The following BMPR2 variants were observed in gnomAD, a reference collection of about 807,000 sequenced individuals.
BMPR2 encodes the protein bone morphogenetic protein receptor type-2.
BMPR2 carries 29 observed loss-of-function variants against 100.8 expected under a neutral mutation model. The ratio of observed to expected loss-of-function variants is 0.29; its 90% CI spans 0.21 to 0.39. The LOEUF (loss-of-function observed/expected upper bound fraction) is 0.39. Ranked by LOEUF, BMPR2 falls within the 10% of genes least tolerant of loss-of-function variation. BMPR2 has a pLI of 1.00. For synonymous variants in BMPR2, 382 were observed against 442.3 expected, an observed-to-expected ratio of 0.86 and a Z score of 1.71; for missense variants, 1,011 against 1,274.5, an observed-to-expected ratio of 0.79 and a Z score of 3.15.
At chr2:202,469,083 T>G (rs1692381556) in intron 3 of BMPR2, among the ~76,000 whole-genome samples, 1 of 152,072 alleles carries the variant, frequency 6.6e-6, no homozygotes, top group Admixed American at 6.6e-5. Flanking sequence ...GAGGCTGGAG[T>G]GCAATGGCAC....
At chr2:202,519,598 G>A (rs1398265621) in intron 6 of BMPR2, among the ~76,000 whole-genome samples, 2 of 151,970 alleles carry the variant, frequency 1.3e-5, no homozygotes, top group African/African-American at 4.8e-5. Context: ...CAAGTTTTTT[G>A]ATGAAAGAAG....
intron 3 of BMPR2, among the ~76,000 whole-genome samples, chr2:202,506,892 C>T (rs548257706): frequency 6.6e-4 from 100 of 151,674 alleles, no homozygotes; most frequent in African/African-American, 2.3e-3. Flanking sequence ...AAGAGCGAAA[C>T]TCTGTCTCAA....
At chr2:202,389,090 G>C (rs1008573104) in intron 1 of BMPR2, among the ~76,000 whole-genome samples, 1 of 151,792 alleles carries the variant, frequency 6.6e-6, no homozygotes, top group African/African-American at 2.4e-5. Context: ...AAAATCAGCT[G>C]AGTGTGAGTC....
intron 10 of BMPR2, among the ~76,000 whole-genome samples, chr2:202,551,254 T>C (rs12693971): frequency 0.32 from 48,807 of 151,214 alleles, 8,701 homozygotes; most frequent in African/African-American, 0.48. Flanking sequence ...CAGTGACTCA[T>C]GCCTGTAATC....
At chr2:202,476,731 G>A (rs1161209440) in intron 3 of BMPR2, among the ~76,000 whole-genome samples, 4 of 152,182 alleles carry the variant, frequency 2.6e-5, no homozygotes, top group African/African-American at 9.6e-5. Context: ...GGAAGTTGCA[G>A]TGAGCTGAGA....
At chr2:202,379,940 T>G (rs984720181) in intron 1 of BMPR2, among the ~76,000 whole-genome samples, 1 of 151,952 alleles carries the variant, frequency 6.6e-6, no homozygotes, top group African/African-American at 2.4e-5. Context: ...TCACCACAAC[T>G]TCCGCCTCCC....
intron 1 of BMPR2, among the ~76,000 whole-genome samples, chr2:202,408,790 A>T (rs189159306): frequency 1.1e-4 from 17 of 152,344 alleles, no homozygotes; most frequent in Admixed American, 3.3e-4. Context: ...TTCGCATTCC[A>T]CTTGAACTAT....
chr2:202,381,927 G>T (rs1319143104), intron 1 of BMPR2, among the ~76,000 whole-genome samples: 4 of 151,566 alleles, frequency 2.6e-5, no homozygotes, highest in Non-Finnish European at 5.9e-5. Flanking sequence ...ATCTCTAATG[G>T]GTAAATTCTA....
chr2:202,521,427 C>T (rs1212045090), intron 7 of BMPR2, among the ~76,000 whole-genome samples: 1 of 151,984 alleles, frequency 6.6e-6, no homozygotes, highest in South Asian at 2.1e-4. Context: ...ATTAGCTGGA[C>T]GTGGTGGCAT....
chr2:202,469,381 A>C (rs1418938465), intron 3 of BMPR2: 1 of 182,730 alleles, frequency 5.5e-6, no homozygotes, highest in Non-Finnish European at 1.2e-5. Flanking sequence ...TCACTATTCT[A>C]CGTAAGCAAA....
intron 3 of BMPR2, among the ~76,000 whole-genome samples, chr2:202,492,700 C>CAAAAAAAAAAAAAAAAA (rs1166246933): frequency 1.9e-5 from 1 of 52,810 alleles, no homozygotes; most frequent in Non-Finnish European, 3.1e-5. Flanking sequence ...AGCTCTGTCT[C>CAAAAAAAAAAAAAAAAA]AAAAAAAAAA....
chr2:202,522,518 AAAG>A (rs1687836089), intron 7 of BMPR2, among the ~76,000 whole-genome samples: 1 of 151,676 alleles, frequency 6.6e-6, no homozygotes. Flanking sequence ...AAAAAAAAAA[AAAG>A]AAATTCTTGT....
intron 9 of BMPR2, among the ~76,000 whole-genome samples, chr2:202,537,145 C>G (rs1440041694): frequency 6.6e-6 from 1 of 152,148 alleles, no homozygotes; most frequent in Non-Finnish European, 1.5e-5. Context: ...ATCCTCCTGC[C>G]TCAGCCTCCC....
chr2:202,458,000 G>A lies in BMPR2; in HGVS notation c.77-6809G>A, dbSNP rs1005174069. 2.0e-5 allele frequency among the ~76,000 whole-genome samples: 3 copies of A among 151,948 alleles called. No individual in the cohort carries two copies. The East Asian group carries it at 5.8e-4, about 29-fold the overall frequency. On this transcript the variant is annotated intron_variant, in intron 1 of 12. Transcript: ENST00000374580. ...CCCACTTTGGCGTCCCAAAGTGCTGGGATTACAGGTGTGAGCCACCATGCC... is the reference window on the plus strand; with the variant it reads ...CCCACTTTGGCGTCCCAAAGTGCTGAGATTACAGGTGTGAGCCACCATGCC...
chr2:202,392,156 C>T (rs1177907371), intron 1 of BMPR2, among the ~76,000 whole-genome samples: 3 of 151,914 alleles, frequency 2.0e-5, no homozygotes, highest in South Asian at 4.2e-4. Context: ...CTGCGACCTC[C>T]GCCTGCCGGG....
At position 202,561,824 on chromosome 2, in the gene BMPR2, T is replaced by C. The variant is rs1688682652; in HGVS notation, c.*1878T>C. 1 of 152,168 alleles carries C rather than the reference T, an allele frequency of 6.6e-6. No individual in the cohort carries two copies. Among genetic ancestry groups the C allele is most frequent in the Non-Finnish European group, 1.5e-5 (1 of 67,990 alleles). 9.4% of individuals were successfully genotyped at this position (152,168 alleles called of 1,614,324 possible). On this transcript the variant is annotated 3_prime_UTR_variant, in exon 13 of 13. Coordinates refer to ENST00000374580, the MANE Select transcript of BMPR2 (RefSeq NM_001204.7). Reference sequence around the variant, plus strand: ...ATGTGCTGTGATCTTACAAGTTAGATGTTACTATACCTACCATTTATTCAG... The same window carrying C: ...ATGTGCTGTGATCTTACAAGTTAGACGTTACTATACCTACCATTTATTCAG...
chr2:202,466,193 A>G (rs1487435396), intron 2 of BMPR2, among the ~76,000 whole-genome samples: 1 of 152,222 alleles, frequency 6.6e-6, no homozygotes, highest in East Asian at 1.9e-4. Flanking sequence ...TAAAGACTGT[A>G]TAAAAATTTC....
At chr2:202,381,511 C>T (rs1416199170) in intron 1 of BMPR2, among the ~76,000 whole-genome samples, 6 of 152,188 alleles carry the variant, frequency 3.9e-5, no homozygotes, top group Admixed American at 3.9e-4. Flanking sequence ...CTCCTAACAT[C>T]CCATTGGCTG....
chr2:202,405,395 A>G (rs1209973258), intron 1 of BMPR2, among the ~76,000 whole-genome samples: 1 of 152,128 alleles, frequency 6.6e-6, no homozygotes, highest in Non-Finnish European at 1.5e-5. Flanking sequence ...TTATTCAAAA[A>G]GCAGGAAAAG....
Sources: allele counts gnomAD v4.1 joint callset (sites outside exome capture counted in the v4.1 genomes callset), GRCh38; gene constraint gnomAD v4.1.1; transcripts MANE v1.5; gene names NCBI Gene and HGNC (gene_info 2026-07-23, HGNC 2026-07-21).